SDK2: variants seen among roughly 807,000 people sequenced by gnomAD.
SDK2 encodes sidekick cell adhesion molecule 2.
Under a neutral mutation model 253.9 loss-of-function variants are expected in SDK2, and 105 were observed. The ratio of observed to expected loss-of-function variants is 0.41; its 90% confidence interval spans 0.35 to 0.49. SDK2 has a LOEUF of 0.49. SDK2 is among the 20% of genes least tolerant of loss of function. The pLI is 0.06. For synonymous variants in SDK2, 1,249 were observed against 1,234.9 expected (o/e 1.01, Z -0.24); for missense variants, 2,608 against 3,003.0 (o/e 0.87, Z 3.07).
chr17:73,517,154 T>C (rs1001370386), intron 1 of SDK2: 4 of 152,148 alleles, frequency 2.6e-5, no homozygotes, highest in African/African-American at 9.7e-5. Flanking sequence ...AGAAGATGCT[T>C]GGGAAATATG....
rs2046087774 is a variant in SDK2 at position 73,618,484 on chromosome 17, C to T, written c.64+25541G>A. ...TCCTTTGCCCTTTTAGAATCATGACCTCTTAATTAATCAGCAAGGAACTAT... is the reference window on the plus strand; with the variant it reads ...TCCTTTGCCCTTTTAGAATCATGACTTCTTAATTAATCAGCAAGGAACTAT... On this transcript the variant is annotated intron_variant, in intron 1 of 44. Coordinates refer to ENST00000392650, the MANE Select transcript of SDK2 (RefSeq NM_001144952.2). The surrounding 1 kb of genome is among the most constrained non-coding windows in gnomAD (Gnocchi z 4.1). 6.6e-6 allele frequency among the ~76,000 whole-genome samples: 1 copy of T among 152,220 alleles called. No individual in the cohort carries two copies. The highest frequency in any genetic ancestry group is 2.1e-4 in the South Asian group (1 of 4,832).
intron 27 of SDK2, among the ~76,000 whole-genome samples, chr17:73,393,117 C>T (rs889918103): frequency 2.6e-5 from 4 of 151,558 alleles, no homozygotes; most frequent in Non-Finnish European, 4.4e-5. Flanking sequence ...TGGTGGCCAG[C>T]GCCTGTAATC....
chr17:73,562,575 A>G (rs946965165), intron 1 of SDK2, among the ~76,000 whole-genome samples: 1 of 152,038 alleles, frequency 6.6e-6, no homozygotes, highest in Admixed American at 6.5e-5. Context: ...GGCGGGGAGA[A>G]GAAGGCAGGC....
At chr17:73,436,962 G>A (rs964880707) in intron 8 of SDK2, among the ~76,000 whole-genome samples, 5 of 152,064 alleles carry the variant, frequency 3.3e-5, no homozygotes, top group Admixed American at 1.3e-4. Flanking sequence ...TACGCGAGCA[G>A]GGATCTGGCT....
rs569697470 is a variant in SDK2 at position 73,383,682 on chromosome 17, C to A, written c.4705+194G>T. Among the ~76,000 whole-genome samples the A allele has an allele frequency of 6.6e-6, 1 of 152,142 alleles. No individual in the cohort carries two copies. The highest frequency in any genetic ancestry group is 1.5e-5 in the Non-Finnish European group (1 of 68,032). On this transcript the variant is annotated intron_variant, in intron 33 of 44. Coordinates refer to ENST00000392650, the MANE Select transcript of SDK2 (RefSeq NM_001144952.2). The surrounding 1 kb of genome is among the most constrained non-coding windows in gnomAD (Gnocchi z 4.3). ...ATCATTGGTGTGCCCCACAGTGACT[C>A]GGGGCCCATAGAAGGTGCTCAGTAA...
At chr17:73,531,545 T>A (rs2064169156) in intron 1 of SDK2, among the ~76,000 whole-genome samples, 1 of 152,180 alleles carries the variant, frequency 6.6e-6, no homozygotes, top group African/African-American at 2.4e-5. Context: ...ACCTGCTAAG[T>A]ATTCCTTAAA....
chr17:73,355,174 A>ATATAT, intron 40 of SDK2, among the ~76,000 whole-genome samples: 2 of 47,226 alleles, frequency 4.2e-5, no homozygotes, highest in Non-Finnish European at 6.7e-5. Context: ...ATATATATAT[A>ATATAT]TTTTTTTTTT....
At chr17:73,483,703 A>ATTT (rs1425316119) in intron 2 of SDK2, among the ~76,000 whole-genome samples, 3 of 60,222 alleles carry the variant, frequency 5.0e-5, no homozygotes, top group Non-Finnish European at 5.7e-5. Flanking sequence ...ATATATATAT[A>ATTT]TATATTTTTT....
intron 27 of SDK2, among the ~76,000 whole-genome samples, chr17:73,393,284 G>A (rs143271559): frequency 2.0e-5 from 3 of 151,666 alleles, no homozygotes; most frequent in African/African-American, 7.2e-5. Context: ...ATTAAAACGG[G>A]TGCAAGTCCC....
intron 3 of SDK2, among the ~76,000 whole-genome samples, chr17:73,456,766 G>C (rs1199361354): frequency 1.3e-5 from 2 of 152,254 alleles, no homozygotes; most frequent in African/African-American, 2.4e-5. Flanking sequence ...CAGAGCAGAG[G>C]AGACGCGGGT....
intron 37 of SDK2, 56 bp downstream of exon 37, chr17:73,368,351 C>A: frequency 7.3e-7 from 1 of 1,371,042 alleles, no homozygotes; most frequent in Non-Finnish European, 9.5e-7. Context: ...GGTAGGTCCT[C>A]TTGCAACCCC....
At chr17:73,635,188 A>ATGTT (rs1302095849) in intron 1 of SDK2, among the ~76,000 whole-genome samples, 1 of 152,062 alleles carries the variant, frequency 6.6e-6, no homozygotes, top group Non-Finnish European at 1.5e-5. Context: ...GGGTTTCACC[A>ATGTT]TGTTGGCCAG....
At chr17:73,579,444 C>T (rs192285461) in intron 1 of SDK2, among the ~76,000 whole-genome samples, 109 of 152,270 alleles carry the variant, frequency 7.2e-4, no homozygotes, top group Admixed American at 2.1e-3. Context: ...GCTTCTCGCA[C>T]GGTGCTCCCC....
At chr17:73,492,208 G>A (rs907837562) in intron 2 of SDK2, among the ~76,000 whole-genome samples, 1 of 152,174 alleles carries the variant, frequency 6.6e-6, no homozygotes, top group Non-Finnish European at 1.5e-5. Flanking sequence ...CAGCCCAGGA[G>A]AGACCAGGGG....
At chr17:73,402,955 G>C (rs935072865) in intron 18 of SDK2, among the ~76,000 whole-genome samples, 5 of 151,996 alleles carry the variant, frequency 3.3e-5, no homozygotes, top group African/African-American at 1.2e-4. Flanking sequence ...GCACCACCAT[G>C]CCCGGCTAAT....
intron 1 of SDK2, among the ~76,000 whole-genome samples, chr17:73,552,788 T>C (rs1015441725): frequency 6.6e-6 from 1 of 152,216 alleles, no homozygotes; most frequent in Admixed American, 6.5e-5. Flanking sequence ...CCTAAGCGAC[T>C]TCATCTTTGA....
intron 1 of SDK2, among the ~76,000 whole-genome samples, chr17:73,525,751 G>T (rs576459167): frequency 2.6e-5 from 4 of 151,842 alleles, no homozygotes; most frequent in African/African-American, 9.7e-5. Context: ...ACCCAAGAAG[G>T]CTCCCCCCTA....
intron 1 of SDK2, among the ~76,000 whole-genome samples, chr17:73,622,829 T>G (rs1021848166): frequency 1.3e-5 from 2 of 152,254 alleles, no homozygotes; most frequent in Non-Finnish European, 2.9e-5. Context: ...TTTCATTTTT[T>G]GGGGCCCTGA....
At chr17:73,355,174 ATTTTTTTT>A (rs770032791) in intron 40 of SDK2, among the ~76,000 whole-genome samples, 3 of 47,222 alleles carry the variant, frequency 6.4e-5, no homozygotes, top group Non-Finnish European at 6.7e-5. Context: ...ATATATATAT[ATTTTTTTT>A]TTTTTTTTTT....
Sources: gnomAD v4.1 joint callset for allele counts (sites outside exome capture counted in the v4.1 genomes callset) on GRCh38, gnomAD v4.1.1 for gene constraint, Gnocchi (gnomAD v3.1) non-coding constraint, MANE v1.5 for transcripts, NCBI Gene and HGNC (gene_info 2026-07-23, HGNC 2026-07-21) for gene names.